Variants in FADS2 observed in about 807,000 individuals in gnomAD.
The protein encoded by FADS2 is fatty acid desaturase 2.
In FADS2, 18 loss-of-function variants were observed where a neutral mutation model predicts 61.2. The observed-to-expected ratio is 0.29, with a 90% confidence interval of 0.20 to 0.44. The LOEUF (loss-of-function observed/expected upper bound fraction) is 0.44. Among genes scored for constraint, FADS2 ranks in the 20% least tolerant of loss-of-function variants. The probability of loss-of-function intolerance (pLI) is 1.00; values close to 1 mark genes in which losing one functional copy is unlikely to be tolerated. For missense variants in FADS2, 322 were observed against 572.7 expected (o/e 0.56, Z 4.47); for synonymous variants, 203 against 223.9 (o/e 0.91, Z 0.83).
At chr11:61,822,039 G>T (rs1360354485) in intron 1 of FADS2, among the ~76,000 whole-genome samples, 1 of 151,310 alleles carries the variant, frequency 6.6e-6, no homozygotes, top group Non-Finnish European at 1.5e-5. Context: ...GTGCTGTCTT[G>T]GCTCACTGCA....
intron 1 of FADS2, among the ~76,000 whole-genome samples, chr11:61,835,607 T>C (rs1324707923): frequency 6.6e-6 from 1 of 151,056 alleles, no homozygotes; most frequent in African/African-American, 2.4e-5. Context: ...GGTTTCACCA[T>C]GTTGGCCAGT....
At chr11:61,861,353 C>CAAAAAAAAAAAAAAAAAAAACAAAA (rs58136105) in intron 7 of FADS2, among the ~76,000 whole-genome samples, 2 of 29,728 alleles carry the variant, frequency 6.7e-5, no homozygotes, top group African/African-American at 1.9e-4. Flanking sequence ...GACTCCCTCT[C>CAAAAAAAAAAAAAAAAAAAACAAAA]AAAAAAAAAA....
In FADS2 at chr11:61,863,953, G is replaced by A. The variant is rs2067439898; in HGVS notation, c.1157+167G>A. On this transcript the variant is annotated intron_variant, in intron 10 of 11. Coordinates refer to ENST00000278840, the MANE Select transcript of FADS2 (RefSeq NM_004265.4). ...AGCCAGCCCCGCTGAGGTCAGGAGA[G>A]GGGCTCCCCTATTCCATCTCCCTGA... 5 of 614,218 alleles carry A rather than the reference G, an allele frequency of 8.1e-6. No individual in the cohort carries two copies. The East Asian group carries it at 1.4e-4, about 17-fold the overall frequency. The allele number at this position is 614,218 out of a possible 1,614,324, so 38.0% of individuals were successfully genotyped here. A position where few individuals can be genotyped will look rare whatever the true frequency, so the allele number is the denominator to read the frequency against.
intron 7 of FADS2, 77 bp downstream of exon 7, chr11:61,857,607 C>T (rs1355174782): frequency 7.7e-7 from 1 of 1,291,598 alleles, no homozygotes; most frequent in South Asian, 1.2e-5. Flanking sequence ...CCTACGCTGC[C>T]TCCTCGTGTG....
In FADS2 at chr11:61,816,595, C is replaced by A; in HGVS notation, c.141+169C>A. ...GGCGTAGTGGCTGATGACCCGGGAGCCCCCTGGATGCCGGCGGGTGAACTC... is the reference window on the plus strand; with the variant it reads ...GGCGTAGTGGCTGATGACCCGGGAGACCCCTGGATGCCGGCGGGTGAACTC... On this transcript the variant is annotated intron_variant, in intron 1 of 11. Transcript: ENST00000257261. This position sits in a 1 kb window ranked among gnomAD's most constrained non-coding sequence, Gnocchi z 7.0. 6.2e-7 allele frequency: 1 copy of A among 1,609,700 alleles called. No individual in the cohort carries two copies. Among genetic ancestry groups the A allele is most frequent in the Non-Finnish European group, 8.5e-7 (1 of 1,178,850 alleles).
chr11:61,828,314 G>A lies in FADS2; in HGVS notation c.-77G>A, dbSNP rs116646028. 886 of 1,522,376 alleles carry A rather than the reference G, an allele frequency of 5.8e-4. 7 individuals carry two copies. In the African/African-American group the frequency reaches 0.01, roughly 18 times the overall value. The allele number at this position is 1,522,376 out of a possible 1,614,324, so 94.3% of individuals were successfully genotyped here. ...AGGGCCCGGGCTGCACACACCGGCT[G>A]GGAGGCAGCCGTCTGTGCAGCGAGC... On this transcript the variant is annotated 5_prime_UTR_variant, in exon 1 of 12. Transcript: ENST00000278840. This position sits in a 1 kb window ranked among gnomAD's most constrained non-coding sequence, Gnocchi z 6.4.
rs151333289 is a variant in FADS2, at chr11:61,844,461, A to G, written c.619-3698A>G. Among the ~76,000 whole-genome samples the G allele has an allele frequency of 6.4e-3, 967 of 152,238 alleles. 10 individuals are homozygous for G. Among genetic ancestry groups the G allele is most frequent in the African/African-American group, 0.021 (853 of 41,516 alleles). On this transcript the variant is annotated intron_variant, in intron 4 of 11. Transcript: ENST00000278840. Reference sequence around the variant, plus strand: ...GTGCTCGGGAGGCTAAGACAGGAGAATCACTTGAACCAGGGAGGTGGAGGT... The same window carrying G: ...GTGCTCGGGAGGCTAAGACAGGAGAGTCACTTGAACCAGGGAGGTGGAGGT...
chr11:61,840,209 G>A (rs1341099588), intron 2 of FADS2, 125 bp from the exon 3 acceptor site: 2 of 775,124 alleles, frequency 2.6e-6, no homozygotes, highest in South Asian at 3.1e-5. Context: ...GAGGCTTGTG[G>A]CTTGGCCCCC....
chr11:61,828,194 G>A, upstream of FADS2: 4 of 1,417,184 alleles, frequency 2.8e-6, no homozygotes, highest in Admixed American at 3.0e-5. This position sits in a 1 kb window ranked among gnomAD's most constrained non-coding sequence, Gnocchi z 6.4. Context: ...GGGATCCTCC[G>A]CCAGGAAGGC....
Position 61,865,461 on chromosome 11 carries a change from T to A in FADS2, c.1284-177T>A. ...GCTGCGAGAAGACCATCCCTTTCTGTGTGGGGTTCCTGGTGGGCTCTGAGC... is the reference window on the plus strand; with the variant it reads ...GCTGCGAGAAGACCATCCCTTTCTGAGTGGGGTTCCTGGTGGGCTCTGAGC... On this transcript the variant is annotated intron_variant, in intron 11 of 11. Transcript: ENST00000278840. The surrounding 1 kb of genome is among the most constrained non-coding windows in gnomAD (Gnocchi z 4.1). 1.0e-6 allele frequency: 1 copy of A among 959,852 alleles called. No individual in the cohort carries two copies. The allele number at this position is 959,852 out of a possible 1,614,324, so 59.5% of individuals were successfully genotyped here.
upstream of FADS2, among the ~76,000 whole-genome samples, chr11:61,823,301 A>G (rs1242609430): frequency 6.6e-6 from 1 of 152,174 alleles, no homozygotes; most frequent in East Asian, 1.9e-4. Flanking sequence ...AAGAATAAGG[A>G]TTGTAGTTGA....
rs181625867 is a variant in FADS2 at position 61,834,219 on chromosome 11, C to T, written c.208-3559C>T. On this transcript the variant is annotated intron_variant, in intron 1 of 11. Coordinates refer to ENST00000278840, the MANE Select transcript of FADS2 (RefSeq NM_004265.4). ...AAGGGCGGTCCGCACCAGGCCTGCT[C>T]GGAAAGCTGCCACACTGACCATGGG... Among the ~76,000 whole-genome samples the T allele has an allele frequency of 1.8e-3, 273 of 152,258 alleles. 1 individual carries two copies. The highest frequency in any genetic ancestry group is 5.4e-3 in the East Asian group (28 of 5,172).
At chr11:61,850,854 C>T (rs943101113) in intron 5 of FADS2, among the ~76,000 whole-genome samples, 5 of 152,124 alleles carry the variant, frequency 3.3e-5, no homozygotes, top group African/African-American at 4.8e-5. Flanking sequence ...GTAGTATTCC[C>T]GACAGCCTTG....
At chr11:61,818,566 G>T (rs548767333) in intron 1 of FADS2, among the ~76,000 whole-genome samples, 2 of 152,122 alleles carry the variant, frequency 1.3e-5, no homozygotes, top group South Asian at 2.1e-4. Flanking sequence ...TAAGAAAATC[G>T]CCAAGCTTAT....
intron 5 of FADS2, 102 bp from the exon 6 acceptor site, chr11:61,856,909 C>T (rs2067363848): frequency 3.1e-6 from 3 of 958,042 alleles, no homozygotes; most frequent in South Asian, 1.3e-5. Context: ...AGTGGTGTGC[C>T]CTGAGCAGAT....
At chr11:61,852,709 C>A (rs1314175474) in intron 5 of FADS2, among the ~76,000 whole-genome samples, 2 of 151,898 alleles carry the variant, frequency 1.3e-5, no homozygotes, top group African/African-American at 2.4e-5. Flanking sequence ...TCTTTTTTTT[C>A]TAAATTTTTG....
chr11:61,841,212 T>C (rs965993388), intron 4 of FADS2, among the ~76,000 whole-genome samples: 2 of 151,768 alleles, frequency 1.3e-5, no homozygotes, highest in African/African-American at 4.8e-5. Context: ...CCACCATGCC[T>C]GACTAATTTT....
chr11:61,825,289 T>G (rs1165205729), upstream of FADS2, among the ~76,000 whole-genome samples: 1 of 152,124 alleles, frequency 6.6e-6, no homozygotes, highest in Non-Finnish European at 1.5e-5. Flanking sequence ...CCTGCCCCTG[T>G]ACCTCCAACT....
At chr11:61,860,539 C>A (rs1383445089) in intron 7 of FADS2, among the ~76,000 whole-genome samples, 2 of 152,256 alleles carry the variant, frequency 1.3e-5, no homozygotes, top group African/African-American at 4.8e-5. Flanking sequence ...AACCCCCTCG[C>A]TCCGCCTCTT....
Sources: gnomAD v4.1 joint callset for allele counts (sites outside exome capture counted in the v4.1 genomes callset) on GRCh38, gnomAD v4.1.1 for gene constraint, Gnocchi (gnomAD v3.1) non-coding constraint, MANE v1.5 for transcripts, NCBI Gene and HGNC (gene_info 2026-07-23, HGNC 2026-07-21) for gene names.